The following ABL2 variants were observed in gnomAD, a reference collection of about 807,000 sequenced individuals.
ABL2 encodes the protein ABL proto-oncogene 2, non-receptor tyrosine kinase.
A neutral mutation model predicts 107.7 loss-of-function variants in ABL2; 49 were observed. That is an observed-to-expected ratio of 0.45 (90% CI 0.36 to 0.58). The LOEUF is 0.58. Ranked by LOEUF, ABL2 falls within the 20% of genes least tolerant of loss-of-function variation. The pLI is 0.00. For missense variants in ABL2, 1,245 were observed against 1,457.0 expected, an observed-to-expected ratio of 0.85 and a Z score of 2.37; for synonymous variants, 549 against 548.6, an observed-to-expected ratio of 1.00 and a Z score of -0.01.
chr1:179,140,938 G>A (rs1011941784), intron 1 of ABL2, among the ~76,000 whole-genome samples: 3 of 151,880 alleles, frequency 2.0e-5, no homozygotes, highest in Admixed American at 6.6e-5. Flanking sequence ...TCAGGAGTTC[G>A]AGACCAGTCT....
chr1:179,130,465 C>T (rs1477287429), intron 3 of ABL2, among the ~76,000 whole-genome samples: 1 of 152,198 alleles, frequency 6.6e-6, no homozygotes, highest in Admixed American at 6.5e-5. Flanking sequence ...AGGCTTTCTG[C>T]ATGAAGATAG....
intron 1 of ABL2, among the ~76,000 whole-genome samples, chr1:179,135,492 C>A (rs1306980726): frequency 6.7e-6 from 1 of 148,802 alleles, no homozygotes; most frequent in Non-Finnish European, 1.5e-5. Flanking sequence ...CCCCTCCGCC[C>A]GGCAGCCGCC....
chr1:179,110,151 G>T, intron 11 of ABL2, 131 bp downstream of exon 11: 2 of 1,090,220 alleles, frequency 1.8e-6, no homozygotes, highest in Non-Finnish European at 1.4e-6. Context: ...AGGGCTTCAT[G>T]GGTGGGTAAA....
rs902482084 is a variant in ABL2, at chr1:179,118,634, C to T, written c.1176G>A (p.Gln392=). 2.5e-6 allele frequency: 4 copies of T among 1,613,660 alleles called. No individual in the cohort carries two copies. In the Admixed American group the frequency reaches 6.7e-5, roughly 27 times the overall value. ...CTAAGTACTCCATTGCAGAAGAAAT[C>T]TGAGTGGCCATGTAGAGCAGCACAA... ...TAVVLLYMAT[Q]ISSAMEYLEK... Residue 392 remains glutamine (Q), a synonymous_variant, in exon 7 of 12, where the codon CAG becomes CAA. Transcript: ENST00000502732.
At chr1:179,175,043 T>C (rs1046797908) in intron 1 of ABL2, among the ~76,000 whole-genome samples, 3 of 151,870 alleles carry the variant, frequency 2.0e-5, no homozygotes, top group Admixed American at 2.0e-4. Context: ...TCTTAGTTTT[T>C]TTAAAAAAAT....
chr1:179,189,616 G>A (rs1306444170), intron 1 of ABL2, among the ~76,000 whole-genome samples: 4 of 152,090 alleles, frequency 2.6e-5, no homozygotes, highest in Admixed American at 6.5e-5. Flanking sequence ...GCTACCAAAC[G>A]GTAAGAGGAG....
chr1:179,125,206 T>G lies in ABL2; in HGVS notation c.687+1171A>C, dbSNP rs1655623427. ...TAGACAATACATGAACAAATGGGTG[T>G]GGCTGTATTCTAATAAAATATTATT... On this transcript the variant is annotated intron_variant, in intron 4 of 11. Transcript: ENST00000502732. Among the ~76,000 whole-genome samples, 5 of 152,336 alleles carry G rather than the reference T, an allele frequency of 3.3e-5. No individual in the cohort carries two copies. The South Asian group carries it at 1.0e-3, about 32-fold the overall frequency.
intron 1 of ABL2, among the ~76,000 whole-genome samples, chr1:179,150,016 T>C (rs555892353): frequency 6.6e-6 from 1 of 152,266 alleles, no homozygotes; most frequent in South Asian, 2.1e-4. Flanking sequence ...AGGGCTGCTT[T>C]AGGCCAGGAG....
chr1:179,116,806 G>C (rs997837457), intron 8 of ABL2: 2 of 159,486 alleles, frequency 1.3e-5, no homozygotes, highest in African/African-American at 4.9e-5. Flanking sequence ...CACTGTGCCT[G>C]GCCCTAAACT....
rs756641046 is a variant in ABL2 at position 179,131,323 on chromosome 1, T to G, written c.379A>C (p.Ser127Arg). 6.2e-7 allele frequency: 1 copy of G among 1,613,912 alleles called. No individual in the cohort carries two copies. The highest frequency in any genetic ancestry group is 8.5e-7 in the Non-Finnish European group (1 of 1,179,824). The change falls in exon 3 of 12, where the codon AGC becomes CGC. Residue 127 changes from serine to arginine, a missense_variant. By Grantham distance (110) the Ser-to-Arg change is moderately radical. Around this residue, in one of 3 missense-constraint regions of ABL2, gnomAD observed 320 missense variants for 547.0 expected, o/e 0.59. Coordinates refer to ENST00000502732, the MANE Select transcript of ABL2 (RefSeq NM_007314.4). ...DFVASGDNTL[S>R]ITKGEKLRVL... ...ATAGAAGCCTCACCTTTAGTGATGC[T>G]GAGTGTGTTATCACCACTTGCTACA...
chr1:179,202,967 T>A (rs1446898600), intron 1 of ABL2, among the ~76,000 whole-genome samples: 2 of 152,214 alleles, frequency 1.3e-5, no homozygotes, highest in Non-Finnish European at 2.9e-5. Flanking sequence ...AAAAATTGCT[T>A]TGTATATGTT....
intron 1 of ABL2, among the ~76,000 whole-genome samples, chr1:179,143,568 A>G (rs1297694508): frequency 6.6e-6 from 1 of 152,272 alleles, no homozygotes; most frequent in Non-Finnish European, 1.5e-5. Context: ...CTGATTCATG[A>G]GCACAGAAGC....
At position 179,100,067 on chromosome 1, in the gene ABL2, A is replaced by T. The variant is rs1652975678; in HGVS notation, c.*7651T>A. The stretch of plus-strand genomic sequence containing the variant: ...ACACCAGCTATACAGATCTGAGATG[A>T]GAGGGTTTTCAAACATATGCCCTAA... On this transcript the variant is annotated 3_prime_UTR_variant, in exon 12 of 12. Coordinates refer to ENST00000502732, the MANE Select transcript of ABL2 (RefSeq NM_007314.4). 1 of 232,270 alleles carries T rather than the reference A, an allele frequency of 4.3e-6. No individual in the cohort carries two copies. 14.4% of individuals were successfully genotyped at this position (232,270 alleles called of 1,614,324 possible). A position where few individuals can be genotyped will look rare whatever the true frequency, so the allele number is the denominator to read the frequency against.
intron 1 of ABL2, among the ~76,000 whole-genome samples, chr1:179,225,049 G>A (rs896661667): frequency 1.3e-5 from 2 of 151,810 alleles, no homozygotes; most frequent in African/African-American, 4.8e-5. Context: ...AAATAAAAGA[G>A]TTGACAAAAA....
intron 1 of ABL2, among the ~76,000 whole-genome samples, chr1:179,168,149 A>G (rs1659503128): frequency 1.3e-5 from 2 of 152,326 alleles, no homozygotes; most frequent in African/African-American, 2.4e-5. Flanking sequence ...GATACATTTA[A>G]AATAATGCTG....
In ABL2 at chr1:179,106,785, A is replaced by T. The variant is rs2102569446; in HGVS notation, c.*933T>A. 2 of 231,646 alleles carry T rather than the reference A, an allele frequency of 8.6e-6. No individual in the cohort carries two copies. Among genetic ancestry groups the T allele is most frequent in the East Asian group, 1.2e-4 (2 of 16,342 alleles). 14.3% of individuals were successfully genotyped at this position (231,646 alleles called of 1,614,324 possible). On this transcript the variant is annotated 3_prime_UTR_variant, in exon 12 of 12. Transcript: ENST00000502732. ...GGCCAGTATGTCAGTATGCAGGGGA[A>T]CTGTATCAGAACAGGATTCATTCCT... is the stretch of plus-strand genomic sequence containing the variant.
intron 1 of ABL2, chr1:179,143,206 G>T: frequency 9.8e-7 from 1 of 1,021,744 alleles, no homozygotes; most frequent in Non-Finnish European, 1.3e-6. Flanking sequence ...TCCCAAAGTG[G>T]GTGGAGAGTG....
At chr1:179,157,565 C>T (rs1030894737) in intron 1 of ABL2, among the ~76,000 whole-genome samples, 2 of 151,770 alleles carry the variant, frequency 1.3e-5, no homozygotes, top group Non-Finnish European at 1.5e-5. Flanking sequence ...ATCCAAAATT[C>T]GAAACACTTT....
At chr1:179,157,400 G>GGC (rs1421682279) in intron 1 of ABL2, among the ~76,000 whole-genome samples, 1 of 151,948 alleles carries the variant, frequency 6.6e-6, no homozygotes, top group Non-Finnish European at 1.5e-5. Context: ...GGTAGGCTGA[G>GGC]GCAGGAAAAT....
Sources: allele counts gnomAD v4.1 joint callset (sites outside exome capture counted in the v4.1 genomes callset), GRCh38; gene constraint gnomAD v4.1.1; regional missense constraint gnomAD v4.1.1; transcripts MANE v1.5; gene names NCBI Gene and HGNC (gene_info 2026-07-23, HGNC 2026-07-21).